The following PRKN variants were observed in gnomAD, a reference collection of about 807,000 sequenced individuals.
PRKN encodes the protein E3 ubiquitin-protein ligase parkin.
Under a neutral mutation model 59.5 loss-of-function variants are expected in PRKN, and 56 were observed. The ratio of observed to expected loss-of-function variants is 0.94; its 90% CI spans 0.76 to 1.18. The LOEUF (loss-of-function observed/expected upper bound fraction) is 1.18, where lower values mean the gene tolerates loss of function less well. Among genes scored for constraint, PRKN ranks in the 50% most tolerant of loss-of-function variants. The pLI, the probability that PRKN is intolerant of heterozygous loss-of-function variation, is 0.00. For synonymous variants in PRKN, 250 were observed against 222.1 expected (o/e 1.13, Z -1.12); for missense variants, 657 against 596.4 (o/e 1.10, Z -1.06).
At chr6:162,037,898 T>C (rs1328587085) in intron 5 of PRKN, among the ~76,000 whole-genome samples, 1 of 151,656 alleles carries the variant, frequency 6.6e-6, no homozygotes, top group Admixed American at 6.6e-5. Context: ...TCAGCCAACA[T>C]TATGTTTTTA....
chr6:162,059,496 A>G (rs1008832214), intron 4 of PRKN, among the ~76,000 whole-genome samples: 1 of 152,202 alleles, frequency 6.6e-6, no homozygotes, highest in East Asian at 1.9e-4. Context: ...CATTGAACAC[A>G]GTGTTTTAAG....
At chr6:161,652,213 G>A (rs1391647934) in intron 7 of PRKN, among the ~76,000 whole-genome samples, 1 of 152,170 alleles carries the variant, frequency 6.6e-6, no homozygotes, top group Non-Finnish European at 1.5e-5. Flanking sequence ...ATGCTGTTTT[G>A]TTACACATGT....
chr6:162,634,020 A>G (rs1777616798), intron 1 of PRKN, among the ~76,000 whole-genome samples: 1 of 152,218 alleles, frequency 6.6e-6, no homozygotes, highest in African/African-American at 2.4e-5. Flanking sequence ...TTGTGTCAAC[A>G]AAACTAACCA....
chr6:162,244,078 C>G (rs1659378731), intron 3 of PRKN, among the ~76,000 whole-genome samples: 1 of 152,054 alleles, frequency 6.6e-6, no homozygotes, highest in South Asian at 2.1e-4. Flanking sequence ...TTTTGTAATG[C>G]AACCTAACAA....
intron 4 of PRKN, among the ~76,000 whole-genome samples, chr6:162,130,622 A>C (rs1206774523): frequency 6.6e-6 from 1 of 152,172 alleles, no homozygotes; most frequent in Non-Finnish European, 1.5e-5. Flanking sequence ...CCCAACCTAG[A>C]TAGTAGCAGT....
chr6:161,695,323 T>C (rs773630566), intron 7 of PRKN, among the ~76,000 whole-genome samples: 2 of 152,190 alleles, frequency 1.3e-5, no homozygotes, highest in South Asian at 2.1e-4. Context: ...TCCTCTATAA[T>C]GATGAACAAA....
At chr6:161,746,849 T>G (rs1381457018) in intron 7 of PRKN, among the ~76,000 whole-genome samples, 1 of 149,396 alleles carries the variant, frequency 6.7e-6, no homozygotes, top group Non-Finnish European at 1.5e-5. Flanking sequence ...TATCTATATG[T>G]ATGTATCTAT....
At chr6:162,043,302 T>TG (rs1210728780) in intron 5 of PRKN, among the ~76,000 whole-genome samples, 1 of 152,060 alleles carries the variant, frequency 6.6e-6, no homozygotes, top group Non-Finnish European at 1.5e-5. Flanking sequence ...GAGGAAAAAA[T>TG]CACAATGCTG....
intron 2 of PRKN, among the ~76,000 whole-genome samples, chr6:162,356,747 T>TAAAAAAAAAAAAAAAAA (rs748212596): frequency 2.7e-5 from 2 of 73,066 alleles, no homozygotes; most frequent in East Asian, 3.8e-4. Flanking sequence ...TGATTATTAG[T>TAAAAAAAAAAAAAAAAA]AAAAAAAAAA....
At chr6:161,606,006 G>C (rs574534338) in intron 7 of PRKN, among the ~76,000 whole-genome samples, 1 of 152,232 alleles carries the variant, frequency 6.6e-6, no homozygotes, top group African/African-American at 2.4e-5. Context: ...GCCTGTGGTG[G>C]TGGTAGTCCT....
At chr6:161,699,439 T>A (rs1208803803) in intron 7 of PRKN, among the ~76,000 whole-genome samples, 1 of 152,036 alleles carries the variant, frequency 6.6e-6, no homozygotes, top group Non-Finnish European at 1.5e-5. Context: ...GACCCAAACG[T>A]CCACCAACAG....
chr6:162,646,349 T>C (rs566483414), intron 1 of PRKN, among the ~76,000 whole-genome samples: 2 of 152,134 alleles, frequency 1.3e-5, no homozygotes, highest in Non-Finnish European at 2.9e-5. Context: ...CATAGCTCAC[T>C]GTGGCCTTGA....
chr6:162,147,030 CTTTT>C (rs1357555395), intron 4 of PRKN, among the ~76,000 whole-genome samples: 9 of 150,072 alleles, frequency 6.0e-5, no homozygotes, highest in African/African-American at 2.2e-4. Flanking sequence ...CGTGCCCGGC[CTTTT>C]TTTATTTTGT....
At chr6:161,895,745 T>C (rs1562372375) in intron 6 of PRKN, among the ~76,000 whole-genome samples, 1 of 141,978 alleles carries the variant, frequency 7.0e-6, no homozygotes, top group Non-Finnish European at 1.5e-5. Flanking sequence ...TTATGCTCTT[T>C]TTCACCCGTA....
rs572327710 is a variant in PRKN at position 162,400,244 on chromosome 6, C to A, written c.171+43066G>T. Among the ~76,000 whole-genome samples, 118 of 149,162 alleles carry A rather than the reference C, an allele frequency of 7.9e-4. 2 individuals are homozygous for A. Among genetic ancestry groups the A allele is most frequent in the African/African-American group, 2.5e-3 (102 of 40,882 alleles). On this transcript the variant is annotated intron_variant, in intron 2 of 11. Coordinates refer to ENST00000366898, the MANE Select transcript of PRKN (RefSeq NM_004562.3). ...AACAAACAACAACAAAAAAAAAAAA[C>A]AAAGAAGATTTGAATCTACATATGG...
At position 161,939,418 on chromosome 6, in the gene PRKN, C is replaced by CAAAAAA. The variant is rs34604240; in HGVS notation, c.734+33878_734+33883dup. 1.1e-3 allele frequency among the ~76,000 whole-genome samples: 44 copies of CAAAAAA among 39,590 alleles called. 3 individuals carry two copies. Among genetic ancestry groups the CAAAAAA allele is most frequent in the East Asian group, 3.2e-3 (4 of 1,246 alleles). The allele number at this position is 39,590 out of a possible 152,430, so 26.0% of individuals were successfully genotyped here. A position where few individuals can be genotyped will look rare whatever the true frequency, so the allele number is the denominator to read the frequency against. On this transcript the variant is annotated intron_variant, in intron 6 of 11. Transcript: ENST00000366898. ...TGGGTGACAGAGAGAGACTCTGTCT[C>CAAAAAA]AAAAAAAAAAAAAAAAAAAAAAAAA... is the stretch of plus-strand genomic sequence containing the variant.
At chr6:161,404,947 T>C (rs56143991) in intron 9 of PRKN, among the ~76,000 whole-genome samples, 31,790 of 152,190 alleles carry the variant, frequency 0.21, 3,410 homozygotes, top group South Asian at 0.26. Flanking sequence ...AGTATATGTT[T>C]CTGTAAAGTC....
At chr6:162,658,334 C>T (rs1383951835) in intron 1 of PRKN, among the ~76,000 whole-genome samples, 2 of 152,082 alleles carry the variant, frequency 1.3e-5, no homozygotes, top group African/African-American at 2.4e-5. Context: ...CAAAATAAGA[C>T]AAATAATATT....
intron 6 of PRKN, among the ~76,000 whole-genome samples, chr6:161,890,351 T>C (rs963044427): frequency 6.6e-6 from 1 of 152,166 alleles, no homozygotes; most frequent in Non-Finnish European, 1.5e-5. Context: ...TTACACAATA[T>C]TCAGTGTACA....
Sources: allele counts gnomAD v4.1 joint callset (sites outside exome capture counted in the v4.1 genomes callset), GRCh38; gene constraint gnomAD v4.1.1; transcripts MANE v1.5; gene names NCBI Gene and HGNC (gene_info 2026-07-23, HGNC 2026-07-21).